The following AKAP6 variants were observed in gnomAD, a reference collection of about 807,000 sequenced individuals.
AKAP6 encodes A-kinase anchor protein 6.
Under a neutral mutation model 188.5 loss-of-function variants are expected in AKAP6, and 58 were observed. The ratio of observed to expected loss-of-function variants is 0.31; its 90% CI spans 0.25 to 0.38. The LOEUF (loss-of-function observed/expected upper bound fraction) is 0.38, where lower values mean the gene tolerates loss of function less well. Among genes scored for constraint, AKAP6 ranks in the 10% least tolerant of loss-of-function variants. The probability of loss-of-function intolerance (pLI) is 1.00; values close to 1 mark genes in which losing one functional copy is unlikely to be tolerated. For synonymous variants in AKAP6, 989 were observed against 998.6 expected (o/e 0.99, Z 0.18); for missense variants, 2,710 against 2,740.0 (o/e 0.99, Z 0.24).
intron 7 of AKAP6, among the ~76,000 whole-genome samples, chr14:32,612,787 T>C (rs1052858222): frequency 4.6e-5 from 7 of 152,298 alleles, no homozygotes; most frequent in African/African-American, 1.7e-4. Context: ...GTTGCTTCTT[T>C]GAAAAACATT....
chr14:32,559,385 G>A (rs1407951710), intron 4 of AKAP6, among the ~76,000 whole-genome samples: 1 of 152,200 alleles, frequency 6.6e-6, no homozygotes, highest in Non-Finnish European at 1.5e-5. Flanking sequence ...TAAAAAGAAG[G>A]AAGAAATCTG....
At chr14:32,578,682 T>C (rs1884836214) in intron 5 of AKAP6, among the ~76,000 whole-genome samples, 1 of 152,216 alleles carries the variant, frequency 6.6e-6, no homozygotes, top group Admixed American at 6.5e-5. Context: ...GTGTGCTGTC[T>C]TACTTTCTCT....
At chr14:32,649,603 T>TAG (rs1441421954) in intron 7 of AKAP6, among the ~76,000 whole-genome samples, 1 of 152,172 alleles carries the variant, frequency 6.6e-6, no homozygotes, top group African/African-American at 2.4e-5. Flanking sequence ...ATCTTTTTCC[T>TAG]TACTGCAAAT....
intron 12 of AKAP6, among the ~76,000 whole-genome samples, chr14:32,793,049 A>C (rs2033657212): frequency 1.3e-5 from 2 of 152,224 alleles, no homozygotes; most frequent in Admixed American, 1.3e-4. Flanking sequence ...GAAAGGAAAA[A>C]ATGTTACCAG....
At chr14:32,817,953 C>T (rs2034429376) in intron 12 of AKAP6, among the ~76,000 whole-genome samples, 1 of 152,056 alleles carries the variant, frequency 6.6e-6, no homozygotes, top group African/African-American at 2.4e-5. Flanking sequence ...AATACTCTAA[C>T]ATCTTTCTTG....
intron 1 of AKAP6, among the ~76,000 whole-genome samples, chr14:32,401,169 C>T (rs1378765177): frequency 6.6e-6 from 1 of 152,150 alleles, no homozygotes; most frequent in Non-Finnish European, 1.5e-5. Flanking sequence ...AGGAGAATCT[C>T]AGGGGAGCAG....
At chr14:32,647,905 G>A (rs1263931244) in intron 7 of AKAP6, among the ~76,000 whole-genome samples, 9 of 151,966 alleles carry the variant, frequency 5.9e-5, no homozygotes, top group Non-Finnish European at 1.0e-4. Flanking sequence ...ATGACTGTAC[G>A]GGCTTTTCTC....
chr14:32,634,585 T>C (rs1440293181), intron 7 of AKAP6, among the ~76,000 whole-genome samples: 3 of 152,102 alleles, frequency 2.0e-5, no homozygotes, highest in Non-Finnish European at 2.9e-5. Context: ...ATCATGGCTA[T>C]CCAGTCTAAT....
intron 7 of AKAP6, among the ~76,000 whole-genome samples, chr14:32,665,472 TA>T (rs1888888381): frequency 6.6e-6 from 1 of 152,090 alleles, no homozygotes; most frequent in Non-Finnish European, 1.5e-5. Context: ...AGAAATAGGG[TA>T]AGGGGCACAG....
chr14:32,454,629 T>G (rs867358934), intron 2 of AKAP6, among the ~76,000 whole-genome samples: 181 of 139,574 alleles, frequency 1.3e-3, no homozygotes, highest in East Asian at 4.6e-3. Context: ...CCTTCCTTCC[T>G]TCCTTCCCTC....
intron 8 of AKAP6, among the ~76,000 whole-genome samples, chr14:32,689,726 G>A (rs1890089794): frequency 6.6e-6 from 1 of 151,982 alleles, no homozygotes; most frequent in African/African-American, 2.4e-5. Flanking sequence ...TCCCTTCTGT[G>A]CTTATATGAC....
intron 11 of AKAP6, among the ~76,000 whole-genome samples, chr14:32,741,806 T>G (rs1481629197): frequency 6.8e-6 from 1 of 147,236 alleles, no homozygotes; most frequent in East Asian, 2.0e-4. Context: ...TTATCAGAGA[T>G]ATTAGCCTGT....
At chr14:32,763,634 T>C (rs1348953448) in intron 11 of AKAP6, among the ~76,000 whole-genome samples, 1 of 152,186 alleles carries the variant, frequency 6.6e-6, no homozygotes, top group East Asian at 1.9e-4. Flanking sequence ...CTCCTAGAAA[T>C]GAAGAAGATA....
At chr14:32,684,362 A>G (rs1234452774) in intron 8 of AKAP6, among the ~76,000 whole-genome samples, 24 of 152,236 alleles carry the variant, frequency 1.6e-4, no homozygotes, top group Admixed American at 1.6e-3. Flanking sequence ...TGTAATATGC[A>G]AGAATTACAA....
At chr14:32,421,940 T>C (rs1409095501) in intron 1 of AKAP6, among the ~76,000 whole-genome samples, 1 of 152,176 alleles carries the variant, frequency 6.6e-6, no homozygotes, top group Non-Finnish European at 1.5e-5. Context: ...CTGCATTAAT[T>C]GAATCCTCCT....
chr14:32,379,627 C>T (rs1156732462), intron 1 of AKAP6, among the ~76,000 whole-genome samples: 1 of 152,028 alleles, frequency 6.6e-6, no homozygotes, highest in East Asian at 1.9e-4. Flanking sequence ...AGGGTGTCTC[C>T]ATCATTGTTT....
At chr14:32,562,162 C>T (rs937156639) in intron 4 of AKAP6, among the ~76,000 whole-genome samples, 3 of 151,922 alleles carry the variant, frequency 2.0e-5, no homozygotes, top group Non-Finnish European at 4.4e-5. Flanking sequence ...TACTATTTAC[C>T]TTCATGTTTT....
intron 1 of AKAP6, among the ~76,000 whole-genome samples, chr14:32,391,253 A>C (rs1888704964): frequency 6.6e-6 from 1 of 152,172 alleles, no homozygotes; most frequent in South Asian, 2.1e-4. Flanking sequence ...CCTGATTTGG[A>C]AGTTGCAAAA....
At position 32,834,531 on chromosome 14, in the gene AKAP6, G is replaced by GTGT. The variant is rs1437449754; in HGVS notation, c.*4727_*4728insGTT. On this transcript the variant is annotated 3_prime_UTR_variant, in exon 14 of 14. Coordinates refer to ENST00000280979, the MANE Select transcript of AKAP6 (RefSeq NM_004274.5). The stretch of plus-strand genomic sequence containing the variant: ...ATCACACACTGCTTTTAGTTTCCAA[G>GTGT]TCTTTTTTTTTTTTTTTTTTTTTAA... 4.7e-4 allele frequency: 43 copies of GTGT among 90,534 alleles called. No homozygotes were observed. The highest frequency in any genetic ancestry group is 8.9e-4 in the Admixed American group (6 of 6,762). The allele number at this position is 90,534 out of a possible 1,614,324, so 5.6% of individuals were successfully genotyped here. A position where few individuals can be genotyped will look rare whatever the true frequency, so the allele number is the denominator to read the frequency against.
Sources: gnomAD v4.1 joint callset for allele counts (sites outside exome capture counted in the v4.1 genomes callset) on GRCh38, gnomAD v4.1.1 for gene constraint, MANE v1.5 for transcripts, NCBI Gene and HGNC (gene_info 2026-07-23, HGNC 2026-07-21) for gene names.